STK39: variants seen among roughly 807,000 people sequenced by gnomAD.
STK39 encodes the protein serine/threonine kinase 39.
Under a neutral mutation model 77.8 loss-of-function variants are expected in STK39, and 20 were observed. That is an observed-to-expected ratio of 0.26 (90% CI 0.18 to 0.37). The LOEUF is 0.37. Among genes scored for constraint, STK39 ranks in the 10% least tolerant of loss-of-function variants. The probability of loss-of-function intolerance (pLI) is 1.00; values close to 1 mark genes in which losing one functional copy is unlikely to be tolerated. For synonymous variants in STK39, 246 were observed against 234.1 expected (o/e 1.05, Z -0.47); for missense variants, 479 against 656.5 (o/e 0.73, Z 2.95).
chr2:168,007,342 G>C (rs554859446), intron 16 of STK39, among the ~76,000 whole-genome samples: 1 of 152,136 alleles, frequency 6.6e-6, no homozygotes, highest in South Asian at 2.1e-4. Context: ...TAAATGTTAC[G>C]ATATATCTAT....
At chr2:168,224,280 T>C (rs1436440507) in intron 1 of STK39, among the ~76,000 whole-genome samples, 4 of 152,076 alleles carry the variant, frequency 2.6e-5, no homozygotes, top group Admixed American at 2.0e-4. Context: ...GCTCTATACA[T>C]ACATATGTAC....
chr2:168,236,184 T>C (rs1182910931), intron 1 of STK39, among the ~76,000 whole-genome samples: 1 of 152,196 alleles, frequency 6.6e-6, no homozygotes, highest in Non-Finnish European at 1.5e-5. Context: ...GTGGTTTTCA[T>C]TTGCATTTCT....
At chr2:168,112,787 A>G (rs1477708907) in intron 10 of STK39, 1 of 152,116 alleles carries the variant, frequency 6.6e-6, no homozygotes, top group African/African-American at 2.4e-5. Context: ...AATGATATTT[A>G]TACAACATAC....
chr2:168,178,164 T>C (rs10192362), intron 2 of STK39, among the ~76,000 whole-genome samples: 15,645 of 152,238 alleles, frequency 0.1, 1,576 homozygotes, highest in East Asian at 0.31. Flanking sequence ...ATTTACACCA[T>C]GATGGGCTTG....
At chr2:167,989,732 A>C (rs970817656) in intron 16 of STK39, among the ~76,000 whole-genome samples, 4 of 152,210 alleles carry the variant, frequency 2.6e-5, no homozygotes, top group Non-Finnish European at 5.9e-5. Context: ...AATATCACTT[A>C]GTCCAATTAA....
chr2:168,181,828 T>TA, intron 2 of STK39, 150 bp downstream of exon 2: 1 of 616,182 alleles, frequency 1.6e-6, no homozygotes, highest in African/African-American at 1.8e-5. Flanking sequence ...ACAGTCCCAT[T>TA]AATCTGGGGA....
intron 14 of STK39, among the ~76,000 whole-genome samples, chr2:168,019,425 G>T (rs915246130): frequency 6.6e-6 from 1 of 152,128 alleles, no homozygotes; most frequent in African/African-American, 2.4e-5. Flanking sequence ...CGTATATATA[G>T]GGAAAAACAT....
chr2:168,197,247 T>C (rs1366539321), intron 1 of STK39, among the ~76,000 whole-genome samples: 11 of 152,314 alleles, frequency 7.2e-5, no homozygotes, highest in South Asian at 6.2e-4. Flanking sequence ...TGCTGATAGA[T>C]TGGAAGTTAA....
chr2:168,054,058 C>T (rs1211136921), intron 14 of STK39, among the ~76,000 whole-genome samples: 1 of 152,174 alleles, frequency 6.6e-6, no homozygotes, highest in East Asian at 1.9e-4. Context: ...AGCATCTCCT[C>T]CAAGAAAAAT....
chr2:168,237,613 C>T (rs543331431), intron 1 of STK39, among the ~76,000 whole-genome samples: 17 of 152,220 alleles, frequency 1.1e-4, no homozygotes, highest in Admixed American at 9.8e-4. Flanking sequence ...TTTTGAGATA[C>T]GTCCCATCAA....
At chr2:168,100,263 G>A (rs930346159) in intron 10 of STK39, among the ~76,000 whole-genome samples, 4 of 151,804 alleles carry the variant, frequency 2.6e-5, no homozygotes, top group African/African-American at 4.8e-5. Flanking sequence ...GGTCACATTC[G>A]AAAAAAAAGT....
At chr2:167,987,080 G>A (rs555482571) in intron 16 of STK39, among the ~76,000 whole-genome samples, 8 of 152,288 alleles carry the variant, frequency 5.3e-5, no homozygotes, top group Non-Finnish European at 8.8e-5. Context: ...CTCATTAACC[G>A]TGGGCAGGAC....
At position 167,970,398 on chromosome 2, in the gene STK39, T is replaced by C. The variant is rs192239618; in HGVS notation, c.1499-5672A>G. On this transcript the variant is annotated intron_variant, in intron 16 of 17. Transcript: ENST00000355999. Reference sequence around the variant, plus strand: ...TATATGGAAAAATGAATCTTTGTGATATCAGTGCCCAGCACAATGTCTAGT... The same window carrying C: ...TATATGGAAAAATGAATCTTTGTGACATCAGTGCCCAGCACAATGTCTAGT... Among the ~76,000 whole-genome samples, 236 of 152,278 alleles carry C rather than the reference T, an allele frequency of 1.5e-3. 1 individual carries two copies. The highest frequency in any genetic ancestry group is 5.5e-3 in the African/African-American group (230 of 41,548).
chr2:168,181,913 A>G lies in STK39; in HGVS notation c.321+65T>C, dbSNP rs1418432184. 5 of 1,413,142 alleles carry G rather than the reference A, an allele frequency of 3.5e-6. No homozygotes were observed. In the African/African-American group the frequency reaches 5.6e-5, roughly 16 times the overall value. The allele number at this position is 1,413,142 out of a possible 1,614,324, so 87.5% of individuals were successfully genotyped here. A position where few individuals can be genotyped will look rare whatever the true frequency, so the allele number is the denominator to read the frequency against. On this transcript the variant is annotated intron_variant, in intron 2 of 17. Coordinates refer to ENST00000355999, the MANE Select transcript of STK39 (RefSeq NM_013233.3). ...GAGATAACACCTTGCTCTTCTCCCAACCATCCCCATATACCCATAGATTAA... is the reference window on the plus strand; with the variant it reads ...GAGATAACACCTTGCTCTTCTCCCAGCCATCCCCATATACCCATAGATTAA...
intron 17 of STK39, among the ~76,000 whole-genome samples, chr2:167,958,670 G>A (rs1488670535): frequency 6.6e-6 from 1 of 152,192 alleles, no homozygotes; most frequent in African/African-American, 2.4e-5. Flanking sequence ...AAAGAGGGAA[G>A]AGTATTTTGA....
At chr2:168,125,087 C>T (rs921388045) in intron 10 of STK39, among the ~76,000 whole-genome samples, 7 of 151,998 alleles carry the variant, frequency 4.6e-5, no homozygotes, top group African/African-American at 1.7e-4. Flanking sequence ...CAAACCTGCA[C>T]GTTCTGCACA....
chr2:168,094,118 C>A (rs1686598745), intron 10 of STK39, among the ~76,000 whole-genome samples: 1 of 152,196 alleles, frequency 6.6e-6, no homozygotes, highest in Non-Finnish European at 1.5e-5. Context: ...GCCATTCCAA[C>A]CCAGCATTCA....
chr2:168,224,747 A>G (rs1487457474), intron 1 of STK39, among the ~76,000 whole-genome samples: 1 of 152,244 alleles, frequency 6.6e-6, no homozygotes, highest in African/African-American at 2.4e-5. Flanking sequence ...ATTAAAACGC[A>G]GATTCAAGAC....
At chr2:168,170,737 C>T (rs1688802783) in intron 2 of STK39, among the ~76,000 whole-genome samples, 1 of 152,138 alleles carries the variant, frequency 6.6e-6, no homozygotes, top group African/African-American at 2.4e-5. Context: ...GTCAAAAGTG[C>T]CCAGTAGTGG....
Sources: gnomAD v4.1 joint callset for allele counts (sites outside exome capture counted in the v4.1 genomes callset) on GRCh38, gnomAD v4.1.1 for gene constraint, MANE v1.5 for transcripts, NCBI Gene and HGNC (gene_info 2026-07-23, HGNC 2026-07-21) for gene names.